LINGO2: variants seen among roughly 807,000 people sequenced by gnomAD.
The protein encoded by LINGO2 is leucine-rich repeat and immunoglobulin-like domain-containing nogo receptor-interacting protein 2.
LINGO2 carries 14 observed loss-of-function variants against 30.6 expected under a neutral mutation model. The ratio of observed to expected loss-of-function variants is 0.46; its 90% CI spans 0.30 to 0.72. The LOEUF is 0.72. Ranked by LOEUF, LINGO2 falls within the 30% of genes least tolerant of loss-of-function variation. LINGO2 has a pLI of 0.07. For synonymous variants in LINGO2, 317 were observed against 288.5 expected (o/e 1.10, Z -1.00); for missense variants, 729 against 751.7 (o/e 0.97, Z 0.35).
the LINGO2 span, among the ~76,000 whole-genome samples, chr9:28,771,488 T>A: frequency 1.5e-5 from 2 of 132,594 alleles, no homozygotes; most frequent in African/African-American, 3.1e-5. Flanking sequence ...TGTGTGTGTG[T>A]GTGTGTGTGT....
intron 2 of LINGO2, among the ~76,000 whole-genome samples, chr9:28,374,204 TTTTATTTATATATATA>T (rs1472244134): frequency 1.1e-5 from 1 of 87,454 alleles, no homozygotes; most frequent in Non-Finnish European, 2.0e-5. Context: ...AAAAATATGT[TTTTATTTATATATATA>T]TATATATATA....
chr9:28,621,234 TTAA>T (rs1362190269), intron 1 of LINGO2, among the ~76,000 whole-genome samples: 1 of 152,124 alleles, frequency 6.6e-6, no homozygotes, highest in Admixed American at 6.6e-5. Context: ...ATATAATGTG[TTAA>T]TGATGATTAC....
At chr9:28,468,815 C>T (rs570477089) in intron 2 of LINGO2, among the ~76,000 whole-genome samples, 2 of 152,192 alleles carry the variant, frequency 1.3e-5, no homozygotes, top group African/African-American at 4.8e-5. Flanking sequence ...GTAAGTTTTC[C>T]CCTGCACAGA....
At chr9:29,157,519 C>T in the LINGO2 span, among the ~76,000 whole-genome samples, 2 of 152,122 alleles carry the variant, frequency 1.3e-5, no homozygotes, top group African/African-American at 2.4e-5. Flanking sequence ...GCATATGAAT[C>T]TCACACACTG....
chr9:27,967,819 C>T (rs575294102), intron 5 of LINGO2, among the ~76,000 whole-genome samples: 194 of 152,226 alleles, frequency 1.3e-3, no homozygotes, highest in African/African-American at 4.5e-3. Context: ...CTAAAATTCC[C>T]ATTTGCATGC....
chr9:28,802,746 G>C, the LINGO2 span, among the ~76,000 whole-genome samples: 2 of 152,000 alleles, frequency 1.3e-5, no homozygotes, highest in Non-Finnish European at 2.9e-5. Context: ...CAGTGTCCAA[G>C]GCATATCTGT....
the LINGO2 span, among the ~76,000 whole-genome samples, chr9:29,021,681 AAAGGAAGGAAGGAAGGAAGGAAGGAAGG>A: frequency 6.4e-5 from 6 of 93,646 alleles, no homozygotes; most frequent in African/African-American, 1.9e-4. Context: ...GAAAGAAAAG[AAAGGAAGGAAGGAAGGAAGGAAGGAAGG>A]AAGGAAGGAA....
At chr9:28,665,872 C>T (rs1828779300) in intron 1 of LINGO2, among the ~76,000 whole-genome samples, 1 of 151,108 alleles carries the variant, frequency 6.6e-6, no homozygotes. Context: ...GAGTACCAGA[C>T]CATAGATATT....
the LINGO2 span, among the ~76,000 whole-genome samples, chr9:28,703,311 T>C: frequency 6.6e-6 from 1 of 151,940 alleles, no homozygotes; most frequent in Non-Finnish European, 1.5e-5. Flanking sequence ...TTTTAAAAAG[T>C]TGTATTTTCA....
chr9:28,888,382 T>G, the LINGO2 span, among the ~76,000 whole-genome samples: 3 of 152,074 alleles, frequency 2.0e-5, no homozygotes, highest in Non-Finnish European at 4.4e-5. Flanking sequence ...AAAGACTAAT[T>G]ACATAAGTTG....
At chr9:28,278,179 T>G (rs529276754) in intron 4 of LINGO2, among the ~76,000 whole-genome samples, 105 of 152,284 alleles carry the variant, frequency 6.9e-4, no homozygotes, top group African/African-American at 2.5e-3. Context: ...GAAAAAAAAG[T>G]TGAACACTAG....
At chr9:29,048,849 A>G in the LINGO2 span, among the ~76,000 whole-genome samples, 2 of 152,204 alleles carry the variant, frequency 1.3e-5, no homozygotes, top group Non-Finnish European at 2.9e-5. Context: ...TAAGACTTCA[A>G]ACTACAAAAC....
chr9:28,134,562 C>T (rs970871611), intron 4 of LINGO2, among the ~76,000 whole-genome samples: 1 of 152,238 alleles, frequency 6.6e-6, no homozygotes, highest in Admixed American at 6.5e-5. Flanking sequence ...TGCTTGGAGA[C>T]CCAGAGGTAG....
chr9:27,944,141 C>T (rs1437243875), downstream of LINGO2: 1 of 152,174 alleles, frequency 6.6e-6, no homozygotes, highest in Non-Finnish European at 1.5e-5. Flanking sequence ...TAAGGAAGTT[C>T]TAGTCCCTAC....
chr9:28,979,171 G>GA, the LINGO2 span, among the ~76,000 whole-genome samples: 3 of 151,642 alleles, frequency 2.0e-5, no homozygotes, highest in East Asian at 1.9e-4. Flanking sequence ...GCTATAATTT[G>GA]AAAAAAATGC....
intron 1 of LINGO2, among the ~76,000 whole-genome samples, chr9:28,655,128 A>G (rs1828276863): frequency 6.6e-6 from 1 of 152,092 alleles, no homozygotes; most frequent in Admixed American, 6.6e-5. Context: ...TATTATCCTG[A>G]TAGTGAGTGA....
the LINGO2 span, among the ~76,000 whole-genome samples, chr9:29,187,641 G>C: frequency 6.6e-6 from 1 of 151,988 alleles, no homozygotes; most frequent in Non-Finnish European, 1.5e-5. Context: ...TGCTTAAGTG[G>C]GAAATACATC....
rs376010557 is a variant in LINGO2 at position 27,950,262 on chromosome 9, C to T, written c.410G>A (p.Ser137Asn). 6 of 1,613,966 alleles carry T rather than the reference C, an allele frequency of 3.7e-6. No individual in the cohort carries two copies. The African/African-American group carries it at 6.7e-5, about 18-fold the overall frequency. Reference sequence around the variant, plus strand: ...TAGTAAAATGACAATCTTATTCTCACTAATGTCAAGCTTAGTGAGATTGGA... The same window carrying T: ...TAGTAAAATGACAATCTTATTCTCATTAATGTCAAGCTTAGTGAGATTGGA... Residue 137 changes from serine to asparagine, a missense_variant, in exon 6 of 6, where the codon AGT becomes AAT. Coordinates refer to ENST00000379992, the Ensembl canonical transcript of LINGO2.
chr9:28,427,796 T>G (rs1225736978), intron 2 of LINGO2, among the ~76,000 whole-genome samples: 1 of 152,142 alleles, frequency 6.6e-6, no homozygotes, highest in Admixed American at 6.6e-5. Flanking sequence ...ACATCACTCC[T>G]TTGTTAGATG....
Sources: gnomAD v4.1 joint callset for allele counts (sites outside exome capture counted in the v4.1 genomes callset) on GRCh38, gnomAD v4.1.1 for gene constraint, MANE v1.5 for transcripts, NCBI Gene and HGNC (gene_info 2026-07-23, HGNC 2026-07-21) for gene names.